Variants in BCAR1 observed in about 807,000 individuals in gnomAD.
The protein encoded by BCAR1 is breast cancer anti-estrogen resistance protein 1.
A neutral mutation model predicts 67.6 loss-of-function variants in BCAR1; 30 were observed. That is an observed-to-expected ratio of 0.44 (90% CI 0.33 to 0.60). The LOEUF is 0.60. Ranked by LOEUF, BCAR1 falls within the 20% of genes least tolerant of loss-of-function variation. The pLI is 0.02. For missense variants in BCAR1, 1,313 were observed against 1,222.3 expected (o/e 1.07, Z -1.11); for synonymous variants, 626 against 556.7 (o/e 1.12, Z -1.75).
rs752321004 is a variant in BCAR1 at position 75,235,776 on chromosome 16, G to A, written c.1123C>T (p.Pro375Ser). Reference sequence around the variant, plus strand: ...GGGCCAGGCCGCCGCAAGCCAGGGGGCACGTCGTAGAGGTCAGGAGCCGGG... The same window carrying A: ...GGGCCAGGCCGCCGCAAGCCAGGGGACACGTCGTAGAGGTCAGGAGCCGGG... ...PPPAPDLYDV[P>S]PGLRRPGPGT... The change falls in exon 5 of 7, where the codon CCC becomes TCC. Residue 375 changes from proline (P) to serine (S), a missense_variant. By Grantham distance (74) the Pro-to-Ser change is moderately conservative (BLOSUM62 -1). Around this residue, in one of 2 missense-constraint regions of BCAR1, gnomAD observed 1,272 missense variants for 1,137.5 expected, o/e 1.12. Coordinates refer to ENST00000162330, the MANE Select transcript of BCAR1 (RefSeq NM_014567.5). 18 of 1,592,622 alleles carry A rather than the reference G, an allele frequency of 1.1e-5. No individual in the cohort carries two copies. The highest frequency in any genetic ancestry group is 2.3e-5 in the South Asian group (2 of 87,752).
At chr16:75,233,226 A>G (rs1297343021) in intron 6 of BCAR1, among the ~76,000 whole-genome samples, 1 of 152,158 alleles carries the variant, frequency 6.6e-6, no homozygotes, top group Non-Finnish European at 1.5e-5. Flanking sequence ...TATAAAAATC[A>G]GCCAGGTGTG....
rs549078097 is a variant in BCAR1 at position 75,229,247 on chromosome 16, C to A, written c.*264G>T. ...AGGCTGCAGGACCCTCACACTCCAG[C>A]CCCGTCTGGTGACCCAACCCGGGCC... On this transcript the variant is annotated 3_prime_UTR_variant, in exon 7 of 7. Coordinates refer to ENST00000162330, the MANE Select transcript of BCAR1 (RefSeq NM_014567.5). 16 of 481,450 alleles carry A rather than the reference C, an allele frequency of 3.3e-5. No individual in the cohort carries two copies. The highest frequency in any genetic ancestry group is 2.5e-4 in the African/African-American group (13 of 51,284). 29.8% of individuals were successfully genotyped at this position (481,450 alleles called of 1,614,324 possible).
At chr16:75,259,730 T>TAATC (rs1387204704) in intron 1 of BCAR1, among the ~76,000 whole-genome samples, 1 of 151,058 alleles carries the variant, frequency 6.6e-6, no homozygotes, top group Admixed American at 6.6e-5. Flanking sequence ...CAGGCGCCTG[T>TAATC]AATCCCAGCT....
chr16:75,262,228 GCCT>G (rs1241058007), intron 1 of BCAR1, among the ~76,000 whole-genome samples: 10 of 152,306 alleles, frequency 6.6e-5, no homozygotes, highest in African/African-American at 2.2e-4. Context: ...ACAGCCACTG[GCCT>G]GTGGGGGCTC....
rs758103300 is a variant in BCAR1, at chr16:75,235,778, A to G, written c.1121T>C (p.Val374Ala). The change falls in exon 5 of 7, where the codon GTG becomes GCG. Residue 374 changes from valine to alanine, a missense_variant. Around this residue, in one of 2 missense-constraint regions of BCAR1, gnomAD observed 1,272 missense variants for 1,137.5 expected, o/e 1.12. Coordinates refer to ENST00000162330, the MANE Select transcript of BCAR1 (RefSeq NM_014567.5). The stretch of plus-strand genomic sequence containing the variant: ...GCCAGGCCGCCGCAAGCCAGGGGGC[A>G]CGTCGTAGAGGTCAGGAGCCGGGGG... ...VPPPAPDLYD[V>A]PPGLRRPGPG... 6.3e-7 allele frequency: 1 copy of G among 1,593,366 alleles called. No homozygotes were observed. Among genetic ancestry groups the G allele is most frequent in the South Asian group, 1.1e-5 (1 of 87,902 alleles).
chr16:75,260,541 A>G (rs1322829379), intron 1 of BCAR1, among the ~76,000 whole-genome samples: 1 of 151,224 alleles, frequency 6.6e-6, no homozygotes, highest in Middle Eastern at 3.2e-3. Context: ...GGCTGAGGCA[A>G]GAGAATCACT....
chr16:75,261,261 AGCCAAG>A (rs995260019), intron 1 of BCAR1, among the ~76,000 whole-genome samples: 1 of 152,234 alleles, frequency 6.6e-6, no homozygotes, highest in Non-Finnish European at 1.5e-5. Context: ...GCTGCAGCAA[AGCCAAG>A]GCCAAGGCCA....
Position 75,229,483 on chromosome 16 carries a change from C to A in BCAR1, c.*28G>T. The A allele has an allele frequency of 6.6e-7, 1 of 1,506,028 alleles. No individual in the cohort carries two copies. Among genetic ancestry groups the A allele is most frequent in the South Asian group, 1.3e-5 (1 of 78,116 alleles). 93.3% of individuals were successfully genotyped at this position (1,506,028 alleles called of 1,614,324 possible). Reference sequence around the variant, plus strand: ...GGGAGCTGGGACCGCCGCACCCCTCCCCTGCCTCCCTCCTGGGGTCACCAC... The same window carrying A: ...GGGAGCTGGGACCGCCGCACCCCTCACCTGCCTCCCTCCTGGGGTCACCAC... On this transcript the variant is annotated 3_prime_UTR_variant, in exon 7 of 7. Transcript: ENST00000162330.
At chr16:75,243,331 G>T in intron 1 of BCAR1, 1 of 635,924 alleles carries the variant, frequency 1.6e-6, no homozygotes, top group Non-Finnish European at 2.8e-6. Flanking sequence ...AAATCCTCTT[G>T]ACCACTGTCA....
intron 1 of BCAR1, chr16:75,243,609 A>C: frequency 2.3e-6 from 1 of 433,864 alleles, no homozygotes; most frequent in South Asian, 1.6e-5. Context: ...TAATTAATTT[A>C]GAAACTTCAA....
chr16:75,255,031 C>A (rs2077745980), upstream of BCAR1, among the ~76,000 whole-genome samples: 1 of 152,222 alleles, frequency 6.6e-6, no homozygotes, highest in Non-Finnish European at 1.5e-5. Flanking sequence ...GACAGCAAAG[C>A]ATGGAGCAAA....
At position 75,234,160 on chromosome 16, in the gene BCAR1, GACAGACACACACAC is replaced by G. The variant is rs1263202603; in HGVS notation, c.2011-239_2011-226del. On this transcript the variant is annotated intron_variant, in intron 5 of 6. Coordinates refer to ENST00000162330, the MANE Select transcript of BCAR1 (RefSeq NM_014567.5). Reference sequence around the variant, plus strand: ...AGACTGGCACGTGCAGGGGCAGGCAGACAGACACACACACACACACACACACACACACACACACA... The same window carrying G: ...AGACTGGCACGTGCAGGGGCAGGCAGACACACACACACACACACACACACA... Among the ~76,000 whole-genome samples the G allele has an allele frequency of 4.8e-3, 418 of 87,864 alleles. 8 individuals carry two copies. The highest frequency in any genetic ancestry group is 3.5e-3 in the Non-Finnish European group (145 of 41,360). The allele number at this position is 87,864 out of a possible 152,430, so 57.6% of individuals were successfully genotyped here.
In BCAR1 at chr16:75,236,956, G is replaced by T; in HGVS notation, c.838C>A (p.Arg280=). The change falls in exon 4 of 7, where the codon CGA becomes AGA. Residue 280 remains arginine, a synonymous_variant. Transcript: ENST00000162330. ...PPMAVKGPNG[R]DPLLEVYDVP... is the part of the protein sequence containing the mutation. ...TCATACACCTCCAGCAACGGGTCTC[G>T]GCCATTGGGACCCTTGACAGCCATG... The T allele has an allele frequency of 6.2e-7, 1 of 1,611,230 alleles. No individual in the cohort carries two copies. The highest frequency in any genetic ancestry group is 8.5e-7 in the Non-Finnish European group (1 of 1,178,802).
In BCAR1 at chr16:75,264,465, G is replaced by C. The variant is rs181973321; in HGVS notation, c.66+3450C>G. 2.6e-3 allele frequency: 3,939 copies of C among 1,494,850 alleles called. 13 individuals are homozygous for C. Among genetic ancestry groups the C allele is most frequent in the Middle Eastern group, 7.4e-3 (43 of 5,828 alleles). The allele number at this position is 1,494,850 out of a possible 1,614,324, so 92.6% of individuals were successfully genotyped here. ...CAGAGAAGTCCAGAACTTTCCAGGAGAGCAGAACAGAAGAGAGGAAGGGCT... is the reference window on the plus strand; with the variant it reads ...CAGAGAAGTCCAGAACTTTCCAGGACAGCAGAACAGAAGAGAGGAAGGGCT... On this transcript the variant is annotated intron_variant, in intron 1 of 6. Transcript: ENST00000393422.
chr16:75,239,115 A>G, intron 2 of BCAR1: 1 of 985,138 alleles, frequency 1.0e-6, no homozygotes, highest in Non-Finnish European at 1.2e-6. Context: ...TGTTTCTGTT[A>G]GAAAAACAGA....
At chr16:75,260,593 C>T (rs1346774127) in intron 1 of BCAR1, among the ~76,000 whole-genome samples, 2 of 149,588 alleles carry the variant, frequency 1.3e-5, no homozygotes, top group African/African-American at 4.9e-5. Flanking sequence ...GATATCAGGC[C>T]ACTGCACTCC....
rs1223808401 is a variant in BCAR1 at position 75,235,712 on chromosome 16, G to A, written c.1187C>T (p.Pro396Leu). 1 of 1,609,896 alleles carries A rather than the reference G, an allele frequency of 6.2e-7. No homozygotes were observed. Among genetic ancestry groups the A allele is most frequent in the Non-Finnish European group, 8.5e-7 (1 of 1,178,034 alleles). Residue 396 changes from proline to leucine, a missense_variant, in exon 5 of 7, where the codon CCT becomes CTT. Pro to Leu is a moderately conservative substitution (Grantham distance 98, BLOSUM62 -3). This residue lies in a region of BCAR1 where 1,272 missense variants were observed against 1,137.5 expected (regional missense o/e 1.12). Transcript: ENST00000162330. Reference protein sequence around the residue: ...LYDVPRERVLPPEVADGGVVD... With the variant: ...LYDVPRERVLLPEVADGGVVD... ...CACGCCACCATCAGCCACCTCAGGA[G>A]GAAGCACCCGTTCACGGGGCACATC...
In BCAR1 at chr16:75,235,012, G is replaced by C; in HGVS notation, c.1887C>G (p.Thr629=). The change falls in exon 5 of 7, where the codon ACC becomes ACG. Residue 629 remains threonine (T), a synonymous_variant. Coordinates refer to ENST00000162330, the MANE Select transcript of BCAR1 (RefSeq NM_014567.5). The stretch of plus-strand genomic sequence containing the variant: ...GCAGGGGTCGTGACTGGATGCTGCT[G>C]GTCTTGTCAGTGGGGTTGGGGTGCA... ...GTLHPNPTDK[T]SSIQSRPLPS... 3.1e-6 allele frequency: 5 copies of C among 1,613,080 alleles called. No homozygotes were observed. The highest frequency in any genetic ancestry group is 4.2e-6 in the Non-Finnish European group (5 of 1,179,716).
chr16:75,253,603 C>A (rs532319815), upstream of BCAR1, among the ~76,000 whole-genome samples: 233 of 152,196 alleles, frequency 1.5e-3, no homozygotes, highest in African/African-American at 5.3e-3. Context: ...AAACAGGCTC[C>A]GACACAGGCA....
Sources: allele counts gnomAD v4.1 joint callset (sites outside exome capture counted in the v4.1 genomes callset), GRCh38; gene constraint gnomAD v4.1.1; regional missense constraint gnomAD v4.1.1; transcripts MANE v1.5; gene names NCBI Gene and HGNC (gene_info 2026-07-23, HGNC 2026-07-21).